STXBP6: variants seen among roughly 807,000 people sequenced by gnomAD.
STXBP6 encodes syntaxin-binding protein 6.
STXBP6 carries 21 observed loss-of-function variants against 26.9 expected under a neutral mutation model. The observed-to-expected ratio is 0.78, with a 90% confidence interval of 0.55 to 1.12. The LOEUF is 1.12. Among genes scored for constraint, STXBP6 ranks in the 50% most tolerant of loss-of-function variants. The probability of loss-of-function intolerance (pLI) is 0.00; values close to 1 mark genes in which losing one functional copy is unlikely to be tolerated. For missense variants in STXBP6, 232 were observed against 257.9 expected (o/e 0.90, Z 0.69); for synonymous variants, 97 against 92.6 (o/e 1.05, Z -0.27).
rs372682942 is a variant in STXBP6, at chr14:24,862,766, T to C, written c.155-5609A>G. On this transcript the variant is annotated intron_variant, in intron 2 of 5. Coordinates refer to ENST00000323944, the MANE Select transcript of STXBP6 (RefSeq NM_001394410.1). ...AAGTCTTTCAGTAGAAGGAGAAAAA[T>C]AAAAAACATCTTGCTAAAAAATTCT... Among the ~76,000 whole-genome samples, 7 of 152,194 alleles carry C rather than the reference T, an allele frequency of 4.6e-5. No individual in the cohort carries two copies. The East Asian group carries it at 9.7e-4, about 21-fold the overall frequency.
chr14:24,996,238 T>C (rs1384829906), intron 1 of STXBP6, among the ~76,000 whole-genome samples: 1 of 152,212 alleles, frequency 6.6e-6, no homozygotes, highest in Non-Finnish European at 1.5e-5. Context: ...CAAAAGCTCC[T>C]AGATTAATTT....
At chr14:24,836,557 C>G (rs1332503537) in intron 4 of STXBP6, among the ~76,000 whole-genome samples, 1 of 136,446 alleles carries the variant, frequency 7.3e-6, no homozygotes, top group East Asian at 2.2e-4. Flanking sequence ...TGACATCACA[C>G]CACTGCACTC....
At chr14:24,943,732 A>G (rs1056278907) in intron 2 of STXBP6, among the ~76,000 whole-genome samples, 3 of 152,248 alleles carry the variant, frequency 2.0e-5, no homozygotes, top group Non-Finnish European at 2.9e-5. Flanking sequence ...ACATTCAGAA[A>G]GGAATAAAAA....
At chr14:24,822,896 G>C (rs2068178396) in intron 4 of STXBP6, among the ~76,000 whole-genome samples, 2 of 152,208 alleles carry the variant, frequency 1.3e-5, no homozygotes, top group South Asian at 4.1e-4. Flanking sequence ...ATCACGACAT[G>C]TTTTGTAAAT....
chr14:24,961,610 A>AG (rs901326787), intron 2 of STXBP6, among the ~76,000 whole-genome samples: 12 of 152,132 alleles, frequency 7.9e-5, no homozygotes, highest in African/African-American at 2.9e-4. Context: ...ACATGGACAT[A>AG]GAGATGGAAA....
At chr14:24,885,815 G>A (rs577098229) in intron 2 of STXBP6, among the ~76,000 whole-genome samples, 6 of 152,188 alleles carry the variant, frequency 3.9e-5, no homozygotes, top group East Asian at 1.9e-4. Flanking sequence ...TGACATCCAC[G>A]TGACGTGATA....
intron 2 of STXBP6, among the ~76,000 whole-genome samples, chr14:24,897,392 A>T (rs372634195): frequency 7.0e-6 from 1 of 143,384 alleles, no homozygotes; most frequent in African/African-American, 2.7e-5. Context: ...CCTGGGCGAC[A>T]GAGCGAGACT....
intron 5 of STXBP6, among the ~76,000 whole-genome samples, chr14:24,813,034 C>T (rs1342178513): frequency 6.6e-6 from 1 of 152,044 alleles, no homozygotes; most frequent in Admixed American, 6.6e-5. Flanking sequence ...AATGAAAAAA[C>T]CAATGGACAG....
intron 1 of STXBP6, among the ~76,000 whole-genome samples, chr14:25,040,938 A>C (rs2075632727): frequency 6.6e-6 from 1 of 152,254 alleles, no homozygotes; most frequent in Non-Finnish European, 1.5e-5. Context: ...CTCATTTCTC[A>C]GTAGTGAAAT....
intron 1 of STXBP6, among the ~76,000 whole-genome samples, chr14:25,027,975 A>G (rs1241694895): frequency 6.6e-6 from 1 of 152,240 alleles, no homozygotes; most frequent in East Asian, 1.9e-4. Flanking sequence ...ACGAAGGCTG[A>G]AAGAGGTGAT....
At position 25,049,922 on chromosome 14, in the gene STXBP6, C is replaced by A. The variant is rs1462563153; in HGVS notation, c.-77G>T. ...CCCTGCCGTGCCAGTGCGCGGCACG[C>A]GTCCCAGAGCACGAGGCTCCTCCCC... On this transcript the variant is annotated 5_prime_UTR_variant, in exon 1 of 6. Transcript: ENST00000323944. The surrounding 1 kb of genome is among the most constrained non-coding windows in gnomAD (Gnocchi z 5.6). 3 of 969,864 alleles carry A rather than the reference C, an allele frequency of 3.1e-6. No individual in the cohort carries two copies. In the African/African-American group the frequency reaches 5.3e-5, roughly 17 times the overall value. The allele number at this position is 969,864 out of a possible 1,614,324, so 60.1% of individuals were successfully genotyped here. A position where few individuals can be genotyped will look rare whatever the true frequency, so the allele number is the denominator to read the frequency against.
Position 24,979,782 on chromosome 14 carries a change from T to C in STXBP6, c.-32-4932A>G, listed in dbSNP as rs1000699706. Reference sequence around the variant, plus strand: ...GATTTAATATTTCTAGACTAGCTTTTCTTCATTCTCACTTCCTCTGCCTTA... The same window carrying C: ...GATTTAATATTTCTAGACTAGCTTTCCTTCATTCTCACTTCCTCTGCCTTA... On this transcript the variant is annotated intron_variant, in intron 1 of 5. Transcript: ENST00000323944. Among the ~76,000 whole-genome samples the C allele has an allele frequency of 7.2e-5, 11 of 152,344 alleles. No homozygotes were observed. In the East Asian group the frequency reaches 2.1e-3, roughly 29 times the overall value.
Position 24,809,637 on chromosome 14 carries a change from T to C in STXBP6, c.*3072A>G, listed in dbSNP as rs2067766132. On this transcript the variant is annotated 3_prime_UTR_variant, in exon 6 of 6. Transcript: ENST00000323944. ...GGTAGTGTTTTATAGAGTTCATAAA[T>C]AACTGCAAGAAACAAATTTCATCAC... 6.6e-6 allele frequency: 1 copy of C among 152,204 alleles called. No individual in the cohort carries two copies. The highest frequency in any genetic ancestry group is 1.5e-5 in the Non-Finnish European group (1 of 68,016). 9.4% of individuals were successfully genotyped at this position (152,204 alleles called of 1,614,324 possible). A position where few individuals can be genotyped will look rare whatever the true frequency, so the allele number is the denominator to read the frequency against.
intron 2 of STXBP6, among the ~76,000 whole-genome samples, chr14:24,886,617 G>A (rs1158591608): frequency 6.6e-6 from 1 of 152,080 alleles, no homozygotes; most frequent in African/African-American, 2.4e-5. Flanking sequence ...CAACAATTCT[G>A]TTCACCCTTT....
chr14:24,922,437 CT>C (rs970371554), intron 2 of STXBP6, among the ~76,000 whole-genome samples: 7 of 152,042 alleles, frequency 4.6e-5, no homozygotes, highest in African/African-American at 1.7e-4. Context: ...ATTATTTTTC[CT>C]TTTTTAAAAA....
At chr14:24,991,841 C>T (rs2074482754) in intron 1 of STXBP6, among the ~76,000 whole-genome samples, 6 of 152,218 alleles carry the variant, frequency 3.9e-5, no homozygotes, top group Admixed American at 3.9e-4. Flanking sequence ...GGAATTCTGA[C>T]TAGAGAGCGG....
intron 2 of STXBP6, among the ~76,000 whole-genome samples, chr14:24,921,366 G>A (rs76729208): frequency 0.017 from 2,634 of 152,144 alleles, 55 homozygotes; most frequent in African/African-American, 0.059. Context: ...AGCACAGTGT[G>A]ATCTCCAAGA....
intron 2 of STXBP6, among the ~76,000 whole-genome samples, chr14:24,890,057 T>C (rs933205797): frequency 6.6e-6 from 1 of 152,206 alleles, no homozygotes; most frequent in African/African-American, 2.4e-5. Context: ...GAGTCATAGG[T>C]ATTGCTATGG....
At chr14:25,000,074 T>C (rs1432281001) in intron 1 of STXBP6, among the ~76,000 whole-genome samples, 2 of 152,140 alleles carry the variant, frequency 1.3e-5, no homozygotes, top group African/African-American at 2.4e-5. Context: ...TAATTTTTTT[T>C]TTTTTTGAGA....
Sources: gnomAD v4.1 joint callset for allele counts (sites outside exome capture counted in the v4.1 genomes callset) on GRCh38, gnomAD v4.1.1 for gene constraint, Gnocchi (gnomAD v3.1) non-coding constraint, MANE v1.5 for transcripts, NCBI Gene and HGNC (gene_info 2026-07-23, HGNC 2026-07-21) for gene names.